SLC35D4: variants seen among roughly 807,000 people sequenced by gnomAD.
SLC35D4 encodes the protein UDP-N-acetylglucosamine transporter SLC35D4.
the SLC35D4 span, among the ~76,000 whole-genome samples, chr18:23,379,072 G>A: frequency 1.3e-5 from 2 of 152,076 alleles, no homozygotes; most frequent in South Asian, 2.1e-4. Flanking sequence ...AAGGTGATCT[G>A]GCTCACACCT....
the SLC35D4 span, among the ~76,000 whole-genome samples, chr18:23,249,445 G>A: frequency 3.9e-5 from 6 of 152,210 alleles, no homozygotes; most frequent in Admixed American, 3.9e-4. Context: ...GAAGCCCTGG[G>A]TCTTTGGCAC....
At chr18:23,270,676 C>G in the SLC35D4 span, among the ~76,000 whole-genome samples, 2 of 152,214 alleles carry the variant, frequency 1.3e-5, no homozygotes, top group Admixed American at 6.5e-5. Context: ...CATCAGCATG[C>G]CTTGGATGAG....
chr18:23,260,358 C>G, the SLC35D4 span: 1 of 152,322 alleles, frequency 6.6e-6, no homozygotes, highest in South Asian at 2.1e-4. Context: ...ACAAGCCACT[C>G]TGTACCACGT....
At chr18:23,287,184 A>G in the SLC35D4 span, among the ~76,000 whole-genome samples, 1 of 152,176 alleles carries the variant, frequency 6.6e-6, no homozygotes, top group Admixed American at 6.5e-5. Context: ...TTACTAGTTC[A>G]GGATCTATGA....
chr18:23,271,536 A>G, the SLC35D4 span, among the ~76,000 whole-genome samples: 1 of 152,288 alleles, frequency 6.6e-6, no homozygotes, highest in Middle Eastern at 3.4e-3. Flanking sequence ...TGAGCATGAC[A>G]TAGAGCTTCT....
chr18:23,370,103 CG>C, the SLC35D4 span: 38 of 836,840 alleles, frequency 4.5e-5, no homozygotes, highest in Admixed American at 5.9e-5. Context: ...CGCTTGAACC[CG>C]GGGGGTGGAG....
At chr18:23,399,683 C>A in the SLC35D4 span, 2 of 1,607,502 alleles carry the variant, frequency 1.2e-6, no homozygotes, top group South Asian at 2.2e-5. Flanking sequence ...ACACTTTTGC[C>A]ACTTTTTGTT....
the SLC35D4 span, chr18:23,260,486 A>G: frequency 2.0e-5 from 3 of 152,134 alleles, no homozygotes; most frequent in Non-Finnish European, 2.9e-5. Flanking sequence ...TGAGTTCTTT[A>G]TCTCTCACTC....
chr18:23,267,378 G>A, the SLC35D4 span, among the ~76,000 whole-genome samples: 1 of 152,078 alleles, frequency 6.6e-6, no homozygotes, highest in African/African-American at 2.4e-5. Flanking sequence ...GACTCTATAG[G>A]CTCTTCTGAA....
chr18:23,393,866 G>A, the SLC35D4 span, among the ~76,000 whole-genome samples: 1 of 152,172 alleles, frequency 6.6e-6, no homozygotes, highest in Admixed American at 6.5e-5. Flanking sequence ...TGATCCACCT[G>A]CCTTGGCCTC....
the SLC35D4 span, among the ~76,000 whole-genome samples, chr18:23,336,080 AAC>A: frequency 7.9e-5 from 12 of 152,170 alleles, no homozygotes; most frequent in African/African-American, 2.7e-4. Flanking sequence ...TAAAAAAAAA[AAC>A]AAGAACCTTA....
chr18:23,397,819 G>A, the SLC35D4 span, among the ~76,000 whole-genome samples: 1 of 152,224 alleles, frequency 6.6e-6, no homozygotes, highest in Admixed American at 6.5e-5. Flanking sequence ...CTGGGAGGCT[G>A]AGGCGGCAGG....
chr18:23,385,396 ACCC>A, the SLC35D4 span, among the ~76,000 whole-genome samples: 1 of 152,158 alleles, frequency 6.6e-6, no homozygotes, highest in African/African-American at 2.4e-5. Context: ...GCAAAAGTGC[ACCC>A]CGCCCGGCAC....
At chr18:23,391,640 AC>A in the SLC35D4 span, among the ~76,000 whole-genome samples, 1 of 151,992 alleles carries the variant, frequency 6.6e-6, no homozygotes, top group African/African-American at 2.4e-5. Context: ...GGCACATGCC[AC>A]CAGGTCAGGC....
chr18:23,300,126 G>A, the SLC35D4 span, among the ~76,000 whole-genome samples: 2 of 152,136 alleles, frequency 1.3e-5, no homozygotes, highest in Non-Finnish European at 2.9e-5. Context: ...TCCAGCTCAG[G>A]ACCCCAGATG....
the SLC35D4 span, among the ~76,000 whole-genome samples, chr18:23,266,042 G>A: frequency 1.3e-5 from 2 of 152,182 alleles, no homozygotes; most frequent in African/African-American, 2.4e-5. Flanking sequence ...TCCAGTATGT[G>A]TTGGAGAGAG....
the SLC35D4 span, among the ~76,000 whole-genome samples, chr18:23,385,872 C>T: frequency 2.2e-4 from 33 of 152,142 alleles, no homozygotes; most frequent in African/African-American, 7.9e-4. Flanking sequence ...TGGCTCACAC[C>T]TGTAATCCCA....
At chr18:23,357,724 CG>C in the SLC35D4 span, among the ~76,000 whole-genome samples, 1 of 152,238 alleles carries the variant, frequency 6.6e-6, no homozygotes, top group Non-Finnish European at 1.5e-5. Flanking sequence ...GAGACCCAAA[CG>C]ATCTCAAATG....
At chr18:23,399,128 A>T in the SLC35D4 span, among the ~76,000 whole-genome samples, 1 of 152,106 alleles carries the variant, frequency 6.6e-6, no homozygotes, top group Non-Finnish European at 1.5e-5. Flanking sequence ...CAGGACATCA[A>T]CCCTGTGCCA....
Sources: gnomAD v4.1 joint callset for allele counts (sites outside exome capture counted in the v4.1 genomes callset) on GRCh38, gnomAD v4.1.1 for gene constraint, MANE v1.5 for transcripts, NCBI Gene and HGNC (gene_info 2026-07-23, HGNC 2026-07-21) for gene names.